Variants in ELF5 observed in about 807,000 individuals in gnomAD.
The protein encoded by ELF5 is E74 like ETS transcription factor 5.
A neutral mutation model predicts 38.2 loss-of-function variants in ELF5; 31 were observed. That is an observed-to-expected ratio of 0.81 (90% CI 0.61 to 1.10). The LOEUF (loss-of-function observed/expected upper bound fraction) is 1.10, where lower values mean the gene tolerates loss of function less well. Ranked by LOEUF, ELF5 falls within the 50% of genes least tolerant of loss-of-function variation. ELF5 has a pLI of 0.00. For missense variants in ELF5, 300 were observed against 306.6 expected (o/e 0.98, Z 0.16); for synonymous variants, 121 against 112.5 (o/e 1.08, Z -0.48).
intron 5 of ELF5, among the ~76,000 whole-genome samples, chr11:34,481,805 G>T (rs527946339): frequency 6.6e-6 from 1 of 152,246 alleles, no homozygotes; most frequent in African/African-American, 2.4e-5. Context: ...AACTTTTAGG[G>T]TTGCTTCATC....
At chr11:34,504,967 C>T (rs528934668) in intron 2 of ELF5, among the ~76,000 whole-genome samples, 1 of 152,206 alleles carries the variant, frequency 6.6e-6, no homozygotes. Flanking sequence ...TCCCTTAGTC[C>T]TTATAGTAGC....
At chr11:34,481,062 GC>G in intron 5 of ELF5, 95 bp from the exon 6 acceptor site, 1 of 1,023,704 alleles carries the variant, frequency 9.8e-7, no homozygotes, top group Non-Finnish European at 1.3e-6. Context: ...TTGCTCTGTC[GC>G]CCAGGCTGGA....
intron 2 of ELF5, among the ~76,000 whole-genome samples, chr11:34,494,692 G>A (rs1011368356): frequency 2.0e-5 from 3 of 152,156 alleles, no homozygotes; most frequent in Non-Finnish European, 4.4e-5. Flanking sequence ...CATAAGGTAT[G>A]GAAGAGGTGC....
rs1564971785 is a variant in ELF5, at chr11:34,480,208, C to T, written c.*10G>A. 1 of 1,611,072 alleles carries T rather than the reference C, an allele frequency of 6.2e-7. No homozygotes were observed. Among genetic ancestry groups the T allele is most frequent in the East Asian group, 2.2e-5 (1 of 44,848 alleles). Reference sequence around the variant, plus strand: ...GAAATCCATAAAATGAGCTTGATGCCTGGAGCAGATCATAGCTTGTCTTCC... The same window carrying T: ...GAAATCCATAAAATGAGCTTGATGCTTGGAGCAGATCATAGCTTGTCTTCC... On this transcript the variant is annotated 3_prime_UTR_variant, in exon 7 of 7. Transcript: ENST00000257832.
At chr11:34,511,413 G>T in intron 1 of ELF5, 1 of 1,259,726 alleles carries the variant, frequency 7.9e-7, no homozygotes, top group East Asian at 2.5e-5. Context: ...CGTGGAAGCT[G>T]GAATCAGTTT....
chr11:34,483,056 C>G (rs190760864), intron 4 of ELF5, among the ~76,000 whole-genome samples: 1 of 151,950 alleles, frequency 6.6e-6, no homozygotes, highest in African/African-American at 2.4e-5. Context: ...TCGTCTCCAC[C>G]GCTTCTCTTA....
At chr11:34,490,508 C>A (rs1419844451) in intron 3 of ELF5, among the ~76,000 whole-genome samples, 1 of 152,200 alleles carries the variant, frequency 6.6e-6, no homozygotes, top group African/African-American at 2.4e-5. Flanking sequence ...TCTGACATGG[C>A]CTCTAATCCC....
chr11:34,490,349 C>T (rs1850134492), intron 3 of ELF5, among the ~76,000 whole-genome samples: 1 of 152,202 alleles, frequency 6.6e-6, no homozygotes, highest in Admixed American at 6.5e-5. Context: ...AAGCTCTGGT[C>T]TGGGGTCCAG....
In ELF5 at chr11:34,493,613, G is replaced by A. The variant is rs199531792; in HGVS notation, c.221C>T (p.Thr74Ile). ...GAAGTTGCAGAAGGAGATGCAATTG[G>A]TGTCCAACTTGTACTGGTCGCAGCA... ...QFCCDQYKLD[T>I]NCISFCNFNI... Residue 74 changes from threonine to isoleucine, a missense_variant, in exon 3 of 7, where the codon ACC becomes ATC. Coordinates refer to ENST00000257832, the MANE Select transcript of ELF5 (RefSeq NM_001422.4). The A allele has an allele frequency of 1.3e-5, 21 of 1,614,210 alleles. No homozygotes were observed. The East Asian group carries it at 4.5e-4, about 34-fold the overall frequency.
At chr11:34,483,574 TACTA>T (rs1008320341) in intron 4 of ELF5, among the ~76,000 whole-genome samples, 38 of 152,136 alleles carry the variant, frequency 2.5e-4, no homozygotes, top group African/African-American at 9.2e-4. Context: ...TACTGTACTA[TACTA>T]ACTATACTGT....
intron 2 of ELF5, among the ~76,000 whole-genome samples, chr11:34,499,959 G>T (rs1564982645): frequency 6.6e-6 from 1 of 152,152 alleles, no homozygotes; most frequent in South Asian, 2.1e-4. Flanking sequence ...AATAACAATA[G>T]TACCTATATC....
chr11:34,505,856 T>C lies in ELF5; in HGVS notation c.-4-103A>G, dbSNP rs928705100. ...GGCGATACTTGTTTTTTAAAAATGA[T>C]AACAAATATGTCACTCACTAGGAGC... is the stretch of plus-strand genomic sequence containing the variant. On this transcript the variant is annotated intron_variant, in intron 1 of 6. Coordinates refer to ENST00000257832, the MANE Select transcript of ELF5 (RefSeq NM_001422.4). 4.3e-6 allele frequency: 6 copies of C among 1,387,552 alleles called. No individual in the cohort carries two copies. In the Middle Eastern group the frequency reaches 1.3e-3, roughly 309 times the overall value. The allele number at this position is 1,387,552 out of a possible 1,614,324, so 86.0% of individuals were successfully genotyped here.
chr11:34,483,447 A>G (rs1184224369), intron 4 of ELF5, among the ~76,000 whole-genome samples: 1 of 151,944 alleles, frequency 6.6e-6, no homozygotes, highest in Non-Finnish European at 1.5e-5. Context: ...GCTCAGTATC[A>G]TCGAGCAGCC....
chr11:34,485,049 T>A (rs563549035), intron 4 of ELF5, among the ~76,000 whole-genome samples: 2 of 152,336 alleles, frequency 1.3e-5, no homozygotes, highest in South Asian at 4.1e-4. Flanking sequence ...CACTATCAGC[T>A]GATATTTACG....
At chr11:34,483,164 T>A (rs3781709) in intron 4 of ELF5, among the ~76,000 whole-genome samples, 3 of 151,782 alleles carry the variant, frequency 2.0e-5, no homozygotes, top group East Asian at 3.9e-4. Context: ...CTCTTCCACT[T>A]GTCCTGCACG....
intron 2 of ELF5, among the ~76,000 whole-genome samples, chr11:34,504,668 G>A (rs1038263855): frequency 6.6e-6 from 1 of 152,208 alleles, no homozygotes. Context: ...TTGCATGACC[G>A]CTGAGCAGCG....
At chr11:34,484,294 C>A (rs1210721090) in intron 4 of ELF5, among the ~76,000 whole-genome samples, 1 of 151,462 alleles carries the variant, frequency 6.6e-6, no homozygotes, top group Non-Finnish European at 1.5e-5. Flanking sequence ...AATAACTGTA[C>A]TATACTATAC....
intron 5 of ELF5, among the ~76,000 whole-genome samples, chr11:34,481,225 T>C (rs772786751): frequency 6.6e-6 from 1 of 152,032 alleles, no homozygotes; most frequent in Non-Finnish European, 1.5e-5. Context: ...GGTTTCGCCA[T>C]GTTGACCAGG....
chr11:34,504,673 G>A (rs761177665), intron 2 of ELF5, among the ~76,000 whole-genome samples: 4 of 152,230 alleles, frequency 2.6e-5, no homozygotes, highest in Non-Finnish European at 5.9e-5. Context: ...TGACCGCTGA[G>A]CAGCGTGTGC....
Sources: allele counts gnomAD v4.1 joint callset (sites outside exome capture counted in the v4.1 genomes callset), GRCh38; gene constraint gnomAD v4.1.1; transcripts MANE v1.5; gene names NCBI Gene and HGNC (gene_info 2026-07-23, HGNC 2026-07-21).